The following DPYSL5 variants were observed in gnomAD, a reference collection of about 807,000 sequenced individuals.
DPYSL5 encodes dihydropyrimidinase like 5.
Under a neutral mutation model 58.4 loss-of-function variants are expected in DPYSL5, and 9 were observed. The ratio of observed to expected loss-of-function variants is 0.15; its 90% confidence interval spans 0.09 to 0.27. The LOEUF (loss-of-function observed/expected upper bound fraction) is 0.27, where lower values mean the gene tolerates loss of function less well. Among genes scored for constraint, DPYSL5 ranks in the 10% least tolerant of loss-of-function variants. The pLI is 1.00. For synonymous variants in DPYSL5, 293 were observed against 301.9 expected, an observed-to-expected ratio of 0.97 and a Z score of 0.31; for missense variants, 499 against 770.6, an observed-to-expected ratio of 0.65 and a Z score of 4.17.
intron 11 of DPYSL5, among the ~76,000 whole-genome samples, chr2:26,943,827 C>T (rs1558357472): frequency 6.6e-6 from 1 of 152,352 alleles, no homozygotes; most frequent in East Asian, 1.9e-4. Context: ...CCTAACTCTA[C>T]TGCCTTTGTG....
At chr2:26,857,263 G>A (rs753457058) in intron 1 of DPYSL5, among the ~76,000 whole-genome samples, 2 of 152,132 alleles carry the variant, frequency 1.3e-5, no homozygotes, top group African/African-American at 2.4e-5. Context: ...TCAGCCAGGC[G>A]TGGTGGCTCA....
chr2:26,850,316 A>G (rs907120672), intron 1 of DPYSL5, among the ~76,000 whole-genome samples: 3 of 152,174 alleles, frequency 2.0e-5, no homozygotes, highest in Non-Finnish European at 2.9e-5. Context: ...GTGGGAAAGC[A>G]GATGAACCGA....
chr2:26,912,964 G>A (rs896616307), intron 2 of DPYSL5, among the ~76,000 whole-genome samples: 20 of 152,216 alleles, frequency 1.3e-4, no homozygotes, highest in African/African-American at 4.6e-4. Context: ...ATTGTGTAAA[G>A]GAAATCAGGG....
In DPYSL5 at chr2:26,925,118, T is replaced by C; in HGVS notation, c.420+73T>C. 6.4e-7 allele frequency: 1 copy of C among 1,550,592 alleles called. No homozygotes were observed. Among genetic ancestry groups the C allele is most frequent in the Non-Finnish European group, 8.7e-7 (1 of 1,143,826 alleles). On this transcript the variant is annotated intron_variant, in intron 3 of 12. Coordinates refer to ENST00000288699, the MANE Select transcript of DPYSL5 (RefSeq NM_020134.4). The surrounding 1 kb of genome is among the most constrained non-coding windows in gnomAD (Gnocchi z 4.5). ...GGCAGAGGGGCTGGTTGGGGTGCAG[T>C]GCCTCCTGCTTGTGTGGGGCACCCC...
chr2:26,848,902 C>T (rs1247139163), intron 1 of DPYSL5, among the ~76,000 whole-genome samples: 1 of 152,190 alleles, frequency 6.6e-6, no homozygotes, highest in Non-Finnish European at 1.5e-5. Flanking sequence ...CGAGCCGGGT[C>T]CCTCGGCTGG....
At chr2:26,932,676 A>C (rs1665062862) in intron 6 of DPYSL5, among the ~76,000 whole-genome samples, 1 of 152,334 alleles carries the variant, frequency 6.6e-6, no homozygotes, top group African/African-American at 2.4e-5. Flanking sequence ...AGAGGAGTTA[A>C]GCCATGGACC....
intron 2 of DPYSL5, among the ~76,000 whole-genome samples, chr2:26,909,919 T>C (rs890326839): frequency 2.6e-5 from 4 of 152,156 alleles, no homozygotes; most frequent in Non-Finnish European, 5.9e-5. Flanking sequence ...TTTTAAAGTA[T>C]ACAGTTTGAT....
At chr2:26,895,002 A>G (rs1663976721) in intron 1 of DPYSL5, among the ~76,000 whole-genome samples, 1 of 152,244 alleles carries the variant, frequency 6.6e-6, no homozygotes, top group South Asian at 2.1e-4. Context: ...GTTTAAATTA[A>G]GGCTGGGTTT....
chr2:26,899,773 G>A (rs1056417779), intron 2 of DPYSL5, among the ~76,000 whole-genome samples: 3 of 152,238 alleles, frequency 2.0e-5, no homozygotes, highest in African/African-American at 7.2e-5. Context: ...GCCAAGGCAA[G>A]GATGCTCCCT....
intron 1 of DPYSL5, among the ~76,000 whole-genome samples, chr2:26,895,954 A>AT (rs1420279240): frequency 6.6e-6 from 1 of 151,416 alleles, no homozygotes; most frequent in African/African-American, 2.4e-5. Flanking sequence ...TAGTTCTTGT[A>AT]TTTTTAGTAG....
intron 6 of DPYSL5, among the ~76,000 whole-genome samples, chr2:26,932,212 G>GAAAGAAAGAAAAGA (rs1558351739): frequency 6.8e-5 from 4 of 58,466 alleles, no homozygotes; most frequent in African/African-American, 7.2e-5. Context: ...AGAAAGAAAA[G>GAAAGAAAGAAAAGA]AAAGAAAGAA....
chr2:26,932,189 A>AAGAC (rs778351251), intron 6 of DPYSL5, among the ~76,000 whole-genome samples: 1,400 of 72,114 alleles, frequency 0.019, 27 homozygotes, highest in African/African-American at 0.025. Flanking sequence ...GAAAGAAAGA[A>AAGAC]AGAAAGAAAG....
intron 8 of DPYSL5, 32 bp from the exon 9 acceptor site, chr2:26,939,999 C>T: frequency 1.2e-6 from 2 of 1,613,632 alleles, no homozygotes; most frequent in East Asian, 2.2e-5. Flanking sequence ...ACCTCCCCTC[C>T]CCTTACTGGT....
chr2:26,922,323 G>A (rs1280939242), intron 2 of DPYSL5, among the ~76,000 whole-genome samples: 1 of 152,248 alleles, frequency 6.6e-6, no homozygotes, highest in Non-Finnish European at 1.5e-5. Flanking sequence ...CACAGAGGCT[G>A]AGGCCAACTA....
At chr2:26,848,555 G>A (rs1665657270) in intron 1 of DPYSL5, 2 of 152,358 alleles carry the variant, frequency 1.3e-5, no homozygotes, top group Admixed American at 1.3e-4. Flanking sequence ...GAGGCGGCTC[G>A]GCCGAGGGGT....
chr2:26,946,161 G>A lies in DPYSL5; in HGVS notation c.1610-749G>A, dbSNP rs189715441. Among the ~76,000 whole-genome samples, 258 of 152,326 alleles carry A rather than the reference G, an allele frequency of 1.7e-3. 2 individuals are homozygous for A. The highest frequency in any genetic ancestry group is 5.6e-3 in the African/African-American group (232 of 41,580). ...CATGGACTCCCACCGCCTTCCTCCT[G>A]CAGCCAGACCCACGAGAGGCACCAA... On this transcript the variant is annotated intron_variant, in intron 12 of 12. Transcript: ENST00000288699.
intron 2 of DPYSL5, among the ~76,000 whole-genome samples, chr2:26,899,638 C>T (rs1461265308): frequency 6.6e-6 from 1 of 152,106 alleles, no homozygotes; most frequent in African/African-American, 2.4e-5. Context: ...ATGGACCAGC[C>T]CCACCTCAAG....
chr2:26,912,170 C>T (rs1189992762), intron 2 of DPYSL5, among the ~76,000 whole-genome samples: 1 of 152,214 alleles, frequency 6.6e-6, no homozygotes, highest in African/African-American at 2.4e-5. Context: ...TTGAAGGCCC[C>T]TCGGGCAGAT....
At chr2:26,890,564 C>CT (rs1249378611) in intron 1 of DPYSL5, among the ~76,000 whole-genome samples, 4 of 152,194 alleles carry the variant, frequency 2.6e-5, no homozygotes, top group African/African-American at 9.6e-5. Flanking sequence ...GGCCTGGAGG[C>CT]TGGGCCATCA....
Sources: gnomAD v4.1 joint callset for allele counts (sites outside exome capture counted in the v4.1 genomes callset) on GRCh38, gnomAD v4.1.1 for gene constraint, Gnocchi (gnomAD v3.1) non-coding constraint, MANE v1.5 for transcripts, NCBI Gene and HGNC (gene_info 2026-07-23, HGNC 2026-07-21) for gene names.